ATXN1: variants seen among roughly 807,000 people sequenced by gnomAD.
The protein encoded by ATXN1 is ataxin 1.
In ATXN1, 8 loss-of-function variants were observed where a neutral mutation model predicts 56.4. The observed-to-expected ratio is 0.14, with a 90% CI of 0.08 to 0.26. The LOEUF (loss-of-function observed/expected upper bound fraction) is 0.26. Among genes scored for constraint, ATXN1 ranks in the 10% least tolerant of loss-of-function variants. ATXN1 has a pLI of 1.00. For missense variants in ATXN1, 987 were observed against 1,106.5 expected, an observed-to-expected ratio of 0.89 and a Z score of 1.53; for synonymous variants, 514 against 494.6, an observed-to-expected ratio of 1.04 and a Z score of -0.52.
intron 6 of ATXN1, among the ~76,000 whole-genome samples, chr6:16,371,993 T>C (rs1003615696): frequency 1.1e-4 from 16 of 152,242 alleles, no homozygotes; most frequent in African/African-American, 3.9e-4. Flanking sequence ...AATTTCTTTA[T>C]GTGTGATTAA....
chr6:16,513,133 T>C (rs1375392373), intron 5 of ATXN1, among the ~76,000 whole-genome samples: 2 of 152,226 alleles, frequency 1.3e-5, no homozygotes, highest in Non-Finnish European at 2.9e-5. Flanking sequence ...ATCTCATGTA[T>C]GCATTTTTCA....
At chr6:16,425,140 A>G (rs950234969) in intron 6 of ATXN1, among the ~76,000 whole-genome samples, 2 of 152,242 alleles carry the variant, frequency 1.3e-5, no homozygotes, top group African/African-American at 4.8e-5. Context: ...TTTAAAGTGC[A>G]CAGATGCCTG....
At chr6:16,552,147 T>A (rs1228271349) in intron 4 of ATXN1, among the ~76,000 whole-genome samples, 1 of 152,230 alleles carries the variant, frequency 6.6e-6, no homozygotes, top group East Asian at 1.9e-4. Context: ...TCAAAGATGC[T>A]ACTCACACGT....
intron 4 of ATXN1, among the ~76,000 whole-genome samples, chr6:16,535,003 T>C (rs927718423): frequency 1.3e-5 from 2 of 152,222 alleles, no homozygotes; most frequent in Admixed American, 6.5e-5. Context: ...CAGCACCAAG[T>C]CTGACTTGGA....
chr6:16,750,971 T>C (rs942702255), intron 2 of ATXN1, among the ~76,000 whole-genome samples: 1 of 147,890 alleles, frequency 6.8e-6, no homozygotes, highest in Non-Finnish European at 1.5e-5. Context: ...TTCCTCTCTT[T>C]TTTTTTTTTT....
chr6:16,637,334 C>T (rs574556955), intron 3 of ATXN1, among the ~76,000 whole-genome samples: 28 of 107,152 alleles, frequency 2.6e-4, no homozygotes, highest in Admixed American at 5.2e-4. Context: ...CATCGCACAC[C>T]GGGGCCTGTC....
chr6:16,479,084 T>G (rs757790346), intron 6 of ATXN1, among the ~76,000 whole-genome samples: 3 of 152,202 alleles, frequency 2.0e-5, no homozygotes, highest in Non-Finnish European at 2.9e-5. Flanking sequence ...AGCATGATGA[T>G]AAAAACCTGT....
intron 6 of ATXN1, among the ~76,000 whole-genome samples, chr6:16,351,432 TCA>T (rs752631221): frequency 4.1e-4 from 62 of 151,168 alleles, no homozygotes; most frequent in Non-Finnish European, 8.0e-4. Flanking sequence ...AAACAAGGTC[TCA>T]CTCTGTCATA....
intron 6 of ATXN1, among the ~76,000 whole-genome samples, chr6:16,412,128 G>T (rs534190986): frequency 6.6e-6 from 1 of 152,294 alleles, no homozygotes; most frequent in East Asian, 1.9e-4. Context: ...TAATATAAAT[G>T]TTGATTCACT....
At chr6:16,307,595 A>T (rs1316886377) in intron 7 of ATXN1, among the ~76,000 whole-genome samples, 1 of 150,830 alleles carries the variant, frequency 6.6e-6, no homozygotes, top group Non-Finnish European at 1.5e-5. Context: ...AATCACTTGA[A>T]CCCAGGAGGC....
chr6:16,748,820 A>G (rs1197990708), intron 2 of ATXN1, among the ~76,000 whole-genome samples: 1 of 152,086 alleles, frequency 6.6e-6, no homozygotes. Context: ...TGGGCTACAC[A>G]GAGAGCCCAT....
At chr6:16,315,177 G>A (rs572032580) in intron 7 of ATXN1, among the ~76,000 whole-genome samples, 160 of 152,160 alleles carry the variant, frequency 1.1e-3, no homozygotes, top group Admixed American at 2.0e-3. Flanking sequence ...AAACACACCA[G>A]ACCTCCCGAT....
intron 5 of ATXN1, among the ~76,000 whole-genome samples, chr6:16,495,868 CTCA>C (rs200061917): frequency 0.045 from 6,662 of 147,396 alleles, 239 homozygotes; most frequent in South Asian, 0.14. Context: ...CTCTCTCTCT[CTCA>C]AAAAAAAAAA....
At chr6:16,417,058 G>T (rs1023579249) in intron 6 of ATXN1, among the ~76,000 whole-genome samples, 27 of 152,238 alleles carry the variant, frequency 1.8e-4, no homozygotes, top group African/African-American at 6.5e-4. Flanking sequence ...TAGAGATGAG[G>T]TTTTGCTCTG....
intron 3 of ATXN1, among the ~76,000 whole-genome samples, chr6:16,633,139 T>C (rs569747017): frequency 6.1e-4 from 93 of 152,240 alleles, no homozygotes; most frequent in African/African-American, 2.1e-3. Flanking sequence ...CAGTCTGTTA[T>C]TGATATATGG....
At chr6:16,620,126 C>G (rs897853462) in intron 3 of ATXN1, among the ~76,000 whole-genome samples, 1 of 152,084 alleles carries the variant, frequency 6.6e-6, no homozygotes, top group African/African-American at 2.4e-5. Context: ...AATAACCCCC[C>G]TCAACCAAAC....
At chr6:16,393,836 T>C (rs989906506) in intron 6 of ATXN1, among the ~76,000 whole-genome samples, 16 of 151,792 alleles carry the variant, frequency 1.1e-4, no homozygotes, top group Admixed American at 3.9e-4. Flanking sequence ...GCCAACACAG[T>C]GAAATCTTGT....
At chr6:16,751,478 G>C (rs1055397905) in intron 2 of ATXN1, among the ~76,000 whole-genome samples, 1 of 151,874 alleles carries the variant, frequency 6.6e-6, no homozygotes, top group Non-Finnish European at 1.5e-5. Context: ...TTTTTTGGCT[G>C]TTTTTCCTGA....
intron 4 of ATXN1, among the ~76,000 whole-genome samples, chr6:16,545,401 T>C (rs1009571395): frequency 1.3e-4 from 20 of 152,168 alleles, no homozygotes; most frequent in Non-Finnish European, 2.6e-4. Flanking sequence ...GTCTTTTTTT[T>C]TTTTGGCAAT....
Sources: gnomAD v4.1 joint callset for allele counts (sites outside exome capture counted in the v4.1 genomes callset) on GRCh38, gnomAD v4.1.1 for gene constraint, MANE v1.5 for transcripts, NCBI Gene and HGNC (gene_info 2026-07-23, HGNC 2026-07-21) for gene names.